The following PCM1 variants were observed in gnomAD, a reference collection of about 807,000 sequenced individuals.
The protein encoded by PCM1 is pericentriolar material 1, also known as pericentriolar material 1 protein.
In PCM1, 157 loss-of-function variants were observed where a neutral mutation model predicts 241.9. That is an observed-to-expected ratio of 0.65 (90% CI 0.57 to 0.74). PCM1 has a LOEUF of 0.74. Among genes scored for constraint, PCM1 ranks in the 30% least tolerant of loss-of-function variants. The pLI, the probability that PCM1 is intolerant of heterozygous loss-of-function variation, is 0.00. For synonymous variants in PCM1, 1,085 were observed against 784.9 expected, an observed-to-expected ratio of 1.38 and a Z score of -6.39; for missense variants, 3,478 against 2,360.1, an observed-to-expected ratio of 1.47 and a Z score of -9.81.
intron 29 of PCM1, among the ~76,000 whole-genome samples, chr8:17,996,202 A>G (rs1206850732): frequency 1.3e-5 from 2 of 152,078 alleles, no homozygotes; most frequent in Admixed American, 1.3e-4. Flanking sequence ...ATGTTGAGGT[A>G]TGTTTCTTCT....
intron 21 of PCM1, among the ~76,000 whole-genome samples, chr8:17,967,962 A>T (rs1465577102): frequency 6.6e-6 from 1 of 151,924 alleles, no homozygotes; most frequent in Admixed American, 6.6e-5. Context: ...GGGTCTAGTG[A>T]GGATGCTGTT....
intron 29 of PCM1, among the ~76,000 whole-genome samples, chr8:17,997,457 C>G (rs1026113546): frequency 1.1e-4 from 17 of 152,246 alleles, no homozygotes; most frequent in Non-Finnish European, 1.9e-4. Context: ...TCTCTACCCC[C>G]TCTTTAAGGC....
chr8:17,986,433 A>G (rs1327352758), intron 26 of PCM1, among the ~76,000 whole-genome samples: 1 of 151,452 alleles, frequency 6.6e-6, no homozygotes, highest in Non-Finnish European at 1.5e-5. Context: ...GATTACAGTA[A>G]AAACACTTGA....
intron 29 of PCM1, among the ~76,000 whole-genome samples, chr8:17,997,538 T>C (rs192041287): frequency 6.7e-4 from 102 of 152,298 alleles, no homozygotes; most frequent in Non-Finnish European, 1.2e-3. Flanking sequence ...TGTTTTACTT[T>C]TTTTTTCTTT....
intron 36 of PCM1, among the ~76,000 whole-genome samples, chr8:18,016,606 C>T (rs2129486758): frequency 6.6e-6 from 1 of 152,294 alleles, no homozygotes; most frequent in East Asian, 1.9e-4. Context: ...TAAAAGATTC[C>T]TTGCTAAAGG....
At chr8:18,012,418 T>G (rs535719375) in intron 34 of PCM1, among the ~76,000 whole-genome samples, 3 of 152,344 alleles carry the variant, frequency 2.0e-5, no homozygotes, top group African/African-American at 7.2e-5. Context: ...TTAGTTATTG[T>G]TAATCTCTCA....
intron 2 of PCM1, chr8:17,926,248 G>C (rs144664888): frequency 1.3e-5 from 2 of 152,110 alleles, no homozygotes; most frequent in Admixed American, 6.5e-5. Context: ...GGAAGACCTG[G>C]GTTTTTTCAA....
At chr8:17,943,392 T>C (rs1360597514) in intron 6 of PCM1, among the ~76,000 whole-genome samples, 1 of 152,176 alleles carries the variant, frequency 6.6e-6, no homozygotes, top group Non-Finnish European at 1.5e-5. Context: ...TTTTAAAAAC[T>C]AGTGGCATTG....
At position 17,972,793 on chromosome 8, in the gene PCM1, G is replaced by A. The variant is rs2077284666; in HGVS notation, c.3943+106G>A. Reference sequence around the variant, plus strand: ...CAGTAAGGCTAGATGTGCAGGTGCTGTTCTAGACTTAGTTGAACAGTCATT... The same window carrying A: ...CAGTAAGGCTAGATGTGCAGGTGCTATTCTAGACTTAGTTGAACAGTCATT... On this transcript the variant is annotated intron_variant, in intron 23 of 38. Coordinates refer to ENST00000325083, the MANE Select transcript of PCM1 (RefSeq NM_006197.4). The A allele has an allele frequency of 1.2e-5, 6 of 519,134 alleles. No homozygotes were observed. The East Asian group carries it at 1.9e-4, about 17-fold the overall frequency. 32.2% of individuals were successfully genotyped at this position (519,134 alleles called of 1,614,324 possible).
Position 18,009,613 on chromosome 8 carries a change from T to C in PCM1, c.5029T>C (p.Ser1677Pro), listed in dbSNP as rs773357165. The change falls in exon 31 of 39, where the codon TCT (serine) becomes CCT (proline). Residue 1677 changes from serine (S) to proline (P), a missense_variant. Physicochemically the swap from Ser to Pro is moderately conservative, Grantham distance 74. Coordinates refer to ENST00000325083, the MANE Select transcript of PCM1 (RefSeq NM_006197.4). The part of the protein sequence containing the change: ...DCGEDLLVEI[S>P]EVLFNELAFF... ...TGGAGAAGATCTTCTTGTAGAGATA[T>C]CTGAAGTGTTGTTCAATGAATTGGC... is the stretch of plus-strand genomic sequence containing the variant. 1 of 1,599,380 alleles carries C rather than the reference T, an allele frequency of 6.3e-7. No individual in the cohort carries two copies. The highest frequency in any genetic ancestry group is 1.7e-5 in the Admixed American group (1 of 58,038).
At chr8:17,923,271 G>T (rs1466821078) in intron 1 of PCM1, 83 bp downstream of exon 1, 2 of 152,416 alleles carry the variant, frequency 1.3e-5, no homozygotes, top group East Asian at 3.9e-4. Context: ...GGGACACTCG[G>T]CCCTGTTGGG....
intron 36 of PCM1, among the ~76,000 whole-genome samples, chr8:18,018,869 TATATATATATAC>T (rs1564427455): frequency 1.8e-4 from 12 of 66,104 alleles, no homozygotes; most frequent in Non-Finnish European, 3.0e-4. Context: ...TATATATATA[TATATATATATAC>T]ACACACATAT....
rs1480496960 is a variant in PCM1, at chr8:17,956,665, C to G, written c.1534C>G (p.Gln512Glu). The change falls in exon 11 of 39, where the codon CAA (glutamine) becomes GAA (glutamate). Residue 512 changes from glutamine (Q) to glutamate (E), a missense_variant. Coordinates refer to ENST00000325083, the MANE Select transcript of PCM1 (RefSeq NM_006197.4). Reference protein sequence around the residue: ...ELRELVHYYEQTSDMMTDAVN... With the variant: ...ELRELVHYYEETSDMMTDAVN... ...AAGAGAATTAGTTCATTATTATGAA[C>G]AAACGTCAGACATGATGACAGATGC... The G allele has an allele frequency of 6.2e-7, 1 of 1,601,626 alleles. No individual in the cohort carries two copies. The highest frequency in any genetic ancestry group is 8.5e-7 in the Non-Finnish European group (1 of 1,171,504).
chr8:17,999,197 C>G (rs2088235961), intron 29 of PCM1, among the ~76,000 whole-genome samples: 1 of 152,012 alleles, frequency 6.6e-6, no homozygotes, highest in African/African-American at 2.4e-5. Context: ...TTTTCCTCTA[C>G]TTTTCTCAAG....
At chr8:17,978,835 A>G (rs2079658622) in intron 23 of PCM1, among the ~76,000 whole-genome samples, 1 of 152,234 alleles carries the variant, frequency 6.6e-6, no homozygotes. Flanking sequence ...CATTGTATCA[A>G]AAGAATTCTA....
chr8:17,925,288 T>C (rs1280065827), intron 2 of PCM1: 2 of 152,192 alleles, frequency 1.3e-5, no homozygotes. Flanking sequence ...TTTTAGCGCA[T>C]AGTACATTGT....
chr8:17,953,939 T>G (rs2067031425), intron 9 of PCM1, among the ~76,000 whole-genome samples: 6 of 152,208 alleles, frequency 3.9e-5, no homozygotes, highest in Admixed American at 3.9e-4. Context: ...ATGAGGGATT[T>G]AAAAATAACA....
At chr8:18,003,303 A>C (rs1001035856) in intron 29 of PCM1, among the ~76,000 whole-genome samples, 1 of 152,238 alleles carries the variant, frequency 6.6e-6, no homozygotes, top group African/African-American at 2.4e-5. Flanking sequence ...AGACGCTCTA[A>C]GTGTGAAAAC....
At chr8:18,015,151 A>C (rs746474466) in intron 36 of PCM1, among the ~76,000 whole-genome samples, 1 of 152,084 alleles carries the variant, frequency 6.6e-6, no homozygotes, top group Non-Finnish European at 1.5e-5. Context: ...ATTCTTCTCA[A>C]CTGTTTAGAA....
Sources: gnomAD v4.1 joint callset for allele counts (sites outside exome capture counted in the v4.1 genomes callset) on GRCh38, gnomAD v4.1.1 for gene constraint, MANE v1.5 for transcripts, NCBI Gene and HGNC (gene_info 2026-07-23, HGNC 2026-07-21) for gene names.